Variants in ZNRF1 observed in about 807,000 individuals in gnomAD.
The protein encoded by ZNRF1 is E3 ubiquitin-protein ligase ZNRF1.
Under a neutral mutation model 18.4 loss-of-function variants are expected in ZNRF1, and 3 were observed. That is an observed-to-expected ratio of 0.16 (90% CI 0.07 to 0.42). The LOEUF (loss-of-function observed/expected upper bound fraction) is 0.42. Ranked by LOEUF, ZNRF1 falls within the 10% of genes least tolerant of loss-of-function variation. The pLI, the probability that ZNRF1 is intolerant of heterozygous loss-of-function variation, is 0.99. For synonymous variants in ZNRF1, 157 were observed against 144.2 expected, an observed-to-expected ratio of 1.09 and a Z score of -0.64; for missense variants, 310 against 329.8, an observed-to-expected ratio of 0.94 and a Z score of 0.47.
chr16:75,038,739 G>A (rs189164627), intron 1 of ZNRF1, among the ~76,000 whole-genome samples: 16 of 152,306 alleles, frequency 1.1e-4, no homozygotes, highest in Admixed American at 4.6e-4. Flanking sequence ...TTCTAAGCAC[G>A]ATCTGCAGTC....
chr16:75,084,727 T>G (rs921449833), intron 1 of ZNRF1: 2 of 152,302 alleles, frequency 1.3e-5, no homozygotes, highest in African/African-American at 4.8e-5. Flanking sequence ...CTGCCCTCAC[T>G]GTTCTTCTAA....
chr16:75,062,505 C>T (rs1234788350), intron 1 of ZNRF1, among the ~76,000 whole-genome samples: 1 of 152,254 alleles, frequency 6.6e-6, no homozygotes, highest in Non-Finnish European at 1.5e-5. Context: ...TTTACCTTTC[C>T]ACAGCAGCTT....
Position 75,032,111 on chromosome 16 carries a change from T to G in ZNRF1, c.424+32016T>G, listed in dbSNP as rs889919820. 5.4e-5 allele frequency among the ~76,000 whole-genome samples: 8 copies of G among 147,006 alleles called. No individual in the cohort carries two copies. The East Asian group carries it at 9.8e-4, about 18-fold the overall frequency. ...GGCATCTTTTCTTGTGAGGTTTTTT[T>G]TTTTTTTTTTTTTTTTGATACGGAG... On this transcript the variant is annotated intron_variant, in intron 1 of 4. Coordinates refer to ENST00000335325, the MANE Select transcript of ZNRF1 (RefSeq NM_032268.5).
Position 74,999,776 on chromosome 16 carries a change from G to T in ZNRF1, c.105G>T (p.Gly35=). The T allele has an allele frequency of 1.4e-6, 2 of 1,401,898 alleles. No homozygotes were observed. The highest frequency in any genetic ancestry group is 1.8e-6 in the Non-Finnish European group (2 of 1,084,492). The allele number at this position is 1,401,898 out of a possible 1,614,324, so 86.8% of individuals were successfully genotyped here. The change falls in exon 1 of 5, where the codon GGG becomes GGT. Residue 35 remains glycine, a synonymous_variant. Coordinates refer to ENST00000335325, the MANE Select transcript of ZNRF1 (RefSeq NM_032268.5). ...CGCCGGGAGGGGCGCCCCATTTCGG[G>T]CACTACCGGACGGGCGGCGGGGCCA... The part of the protein sequence containing the change: ...VPPPGGAPHF[G]HYRTGGGAMG...
At chr16:75,063,912 A>G (rs931065904) in intron 1 of ZNRF1, among the ~76,000 whole-genome samples, 4 of 152,136 alleles carry the variant, frequency 2.6e-5, no homozygotes, top group East Asian at 1.9e-4. Flanking sequence ...GTGGCACTAG[A>G]GAAGTGTTGG....
At chr16:75,087,232 T>C (rs373187746) in intron 1 of ZNRF1, among the ~76,000 whole-genome samples, 19 of 152,158 alleles carry the variant, frequency 1.2e-4, no homozygotes, top group Non-Finnish European at 2.4e-4. Context: ...TCCAGGAACA[T>C]TGATGCACAT....
chr16:75,037,784 G>C (rs1425870443), intron 1 of ZNRF1, among the ~76,000 whole-genome samples: 1 of 152,160 alleles, frequency 6.6e-6, no homozygotes, highest in African/African-American at 2.4e-5. Context: ...AGAGTACTGA[G>C]CTGAAAACAT....
intron 1 of ZNRF1, among the ~76,000 whole-genome samples, chr16:75,085,908 T>C (rs1329558958): frequency 6.6e-6 from 1 of 151,848 alleles, no homozygotes; most frequent in East Asian, 1.9e-4. Context: ...TGATCTACCA[T>C]CTGCAAGCTG....
chr16:75,028,677 A>C (rs2035257212), intron 1 of ZNRF1, among the ~76,000 whole-genome samples: 1 of 152,184 alleles, frequency 6.6e-6, no homozygotes, highest in Non-Finnish European at 1.5e-5. Flanking sequence ...TCCTCCTTGA[A>C]TCCACTCCAC....
chr16:74,999,391 C>G lies in ZNRF1; in HGVS notation c.-281C>G. 3.7e-6 allele frequency: 1 copy of G among 269,700 alleles called. No individual in the cohort carries two copies. The highest frequency in any genetic ancestry group is 6.0e-5 in the East Asian group (1 of 16,572). 16.7% of individuals were successfully genotyped at this position (269,700 alleles called of 1,614,324 possible). On this transcript the variant is annotated 5_prime_UTR_variant, in exon 1 of 5. Coordinates refer to ENST00000335325, the MANE Select transcript of ZNRF1 (RefSeq NM_032268.5). The stretch of plus-strand genomic sequence containing the variant: ...CGGAGCCCGGGGGCGGCCTGTGGCG[C>G]GCGGAGCCCGCGCCGGACTGCGCCT...
intron 1 of ZNRF1, among the ~76,000 whole-genome samples, chr16:75,070,456 G>A (rs1318103465): frequency 6.6e-6 from 1 of 152,104 alleles, no homozygotes; most frequent in Admixed American, 6.5e-5. Flanking sequence ...ACCCTCAATG[G>A]ACCTTGCCCC....
chr16:75,076,194 T>A lies in ZNRF1; in HGVS notation c.425-17378T>A, dbSNP rs189318345. ...TGGATTGTTATTGACATATCTATTA[T>A]ATGTTTTAATCTTCTATCTATAATC... is the stretch of plus-strand genomic sequence containing the variant. On this transcript the variant is annotated intron_variant, in intron 1 of 4. Coordinates refer to ENST00000335325, the MANE Select transcript of ZNRF1 (RefSeq NM_032268.5). 1.0e-3 allele frequency among the ~76,000 whole-genome samples: 158 copies of A among 152,344 alleles called. 1 individual carries two copies. Among genetic ancestry groups the A allele is most frequent in the Non-Finnish European group, 1.8e-4 (12 of 68,034 alleles).
chr16:75,034,838 G>T (rs1405703233), intron 1 of ZNRF1, among the ~76,000 whole-genome samples: 1 of 151,828 alleles, frequency 6.6e-6, no homozygotes, highest in Non-Finnish European at 1.5e-5. Flanking sequence ...CGTTGCCCAG[G>T]CTGGTCTCAA....
intron 1 of ZNRF1, among the ~76,000 whole-genome samples, chr16:75,027,168 G>A (rs534701820): frequency 1.8e-4 from 28 of 152,156 alleles, no homozygotes; most frequent in African/African-American, 6.5e-4. Context: ...CACTTTGGGA[G>A]GCTGAGGCAG....
At chr16:75,027,893 C>G (rs1004071736) in intron 1 of ZNRF1, among the ~76,000 whole-genome samples, 2 of 152,160 alleles carry the variant, frequency 1.3e-5, no homozygotes, top group South Asian at 2.1e-4. Context: ...TCCTAGAGGA[C>G]TCTTCCATAC....
chr16:75,030,359 A>C (rs1200934024), intron 1 of ZNRF1, among the ~76,000 whole-genome samples: 2 of 152,180 alleles, frequency 1.3e-5, no homozygotes, highest in African/African-American at 4.8e-5. Context: ...CTCACACCAC[A>C]TACAAAAATT....
chr16:75,096,061 C>CGTGTTTCTGTATGTGTGCACGT (rs2036195663), intron 2 of ZNRF1, among the ~76,000 whole-genome samples: 1 of 139,644 alleles, frequency 7.2e-6, no homozygotes, highest in Non-Finnish European at 1.6e-5. Context: ...TATGTGTGCA[C>CGTGTTTCTGTATGTGTGCACGT]GTGTGTGTGT....
intron 1 of ZNRF1, among the ~76,000 whole-genome samples, chr16:75,028,540 C>A (rs1208830521): frequency 6.6e-6 from 1 of 152,236 alleles, no homozygotes; most frequent in African/African-American, 2.4e-5. Flanking sequence ...AGTGATCCAC[C>A]CACCTTGGGC....
chr16:75,097,470 C>T (rs2036212643), intron 2 of ZNRF1, among the ~76,000 whole-genome samples: 1 of 152,168 alleles, frequency 6.6e-6, no homozygotes, highest in Non-Finnish European at 1.5e-5. Context: ...CTCCCCTCTG[C>T]CAAAGGCCAT....
Sources: gnomAD v4.1 joint callset for allele counts (sites outside exome capture counted in the v4.1 genomes callset) on GRCh38, gnomAD v4.1.1 for gene constraint, MANE v1.5 for transcripts, NCBI Gene and HGNC (gene_info 2026-07-23, HGNC 2026-07-21) for gene names.